Variants in EPHA6 observed in about 807,000 individuals in gnomAD.
EPHA6 encodes EPH receptor A6, also known as ephrin type-A receptor 6.
In EPHA6, 50 loss-of-function variants were observed where a neutral mutation model predicts 112.0. The ratio of observed to expected loss-of-function variants is 0.45; its 90% confidence interval spans 0.36 to 0.56. The LOEUF (loss-of-function observed/expected upper bound fraction) is 0.56, where lower values mean the gene tolerates loss of function less well. Among genes scored for constraint, EPHA6 ranks in the 20% least tolerant of loss-of-function variants. The pLI is 0.00. For synonymous variants in EPHA6, 529 were observed against 490.7 expected (o/e 1.08, Z -1.03); for missense variants, 1,280 against 1,417.4 (o/e 0.90, Z 1.56).
intron 14 of EPHA6, among the ~76,000 whole-genome samples, chr3:97,671,200 A>C (rs113610679): frequency 3.9e-5 from 6 of 152,344 alleles, no homozygotes; most frequent in South Asian, 2.1e-4. Context: ...CCCTGTGAGC[A>C]TAAATAACAT....
chr3:96,980,745 C>G (rs565643310), intron 2 of EPHA6, among the ~76,000 whole-genome samples: 7 of 152,188 alleles, frequency 4.6e-5, no homozygotes, highest in African/African-American at 1.7e-4. Flanking sequence ...GTTTGTATTT[C>G]TTTTTGAAGA....
intron 3 of EPHA6, among the ~76,000 whole-genome samples, chr3:97,151,216 G>GCATT (rs1315792983): frequency 1.6e-4 from 25 of 151,984 alleles, no homozygotes; most frequent in African/African-American, 6.0e-4. Context: ...ATGAGTCTAT[G>GCATT]CATTATAGCT....
At chr3:96,821,440 A>G (rs1330370414) in intron 1 of EPHA6, among the ~76,000 whole-genome samples, 1 of 151,896 alleles carries the variant, frequency 6.6e-6, no homozygotes, top group Admixed American at 6.6e-5. Context: ...TAAATAAACT[A>G]TATAACTTCT....
chr3:97,212,591 C>T (rs2077905947), intron 3 of EPHA6, among the ~76,000 whole-genome samples: 1 of 152,126 alleles, frequency 6.6e-6, no homozygotes, highest in Non-Finnish European at 1.5e-5. Context: ...TTGTCACTAC[C>T]CTCAGACTAC....
At chr3:96,933,101 G>A (rs62263693) in intron 2 of EPHA6, among the ~76,000 whole-genome samples, 4,881 of 151,918 alleles carry the variant, frequency 0.032, 111 homozygotes, top group Middle Eastern at 0.065. Context: ...CTAATTCTTC[G>A]CAACCCCCCT....
chr3:97,036,165 C>T (rs563961008), intron 3 of EPHA6, among the ~76,000 whole-genome samples: 1 of 151,920 alleles, frequency 6.6e-6, no homozygotes, highest in Non-Finnish European at 1.5e-5. Context: ...GCCACCCAGC[C>T]TATGATATTT....
intron 3 of EPHA6, among the ~76,000 whole-genome samples, chr3:97,007,670 A>T (rs528094760): frequency 5.9e-5 from 9 of 152,212 alleles, no homozygotes; most frequent in African/African-American, 2.2e-4. Flanking sequence ...TATTTTGCAT[A>T]CTAGTTGATG....
intron 13 of EPHA6, among the ~76,000 whole-genome samples, chr3:97,632,011 C>T (rs2093907426): frequency 6.6e-6 from 1 of 151,950 alleles, no homozygotes; most frequent in Admixed American, 6.6e-5. Flanking sequence ...ATTTAGTTCC[C>T]TTTTCCTCAC....
chr3:96,856,237 T>A (rs2107400463), intron 1 of EPHA6, among the ~76,000 whole-genome samples: 1 of 150,944 alleles, frequency 6.6e-6, no homozygotes, highest in African/African-American at 2.5e-5. Flanking sequence ...AGACCCTGTC[T>A]CATAAATTAA....
chr3:97,737,287 G>A (rs2035302067), intron 16 of EPHA6, among the ~76,000 whole-genome samples: 1 of 151,934 alleles, frequency 6.6e-6, no homozygotes, highest in African/African-American at 2.4e-5. Context: ...ATCACTCTAG[G>A]GATGATTTAC....
intron 2 of EPHA6, among the ~76,000 whole-genome samples, chr3:96,932,762 C>A (rs553684643): frequency 6.6e-6 from 1 of 151,908 alleles, no homozygotes; most frequent in Non-Finnish European, 1.5e-5. Context: ...CTCTAAAATG[C>A]GTAATTGTAA....
chr3:97,191,727 T>C (rs1162335838), intron 3 of EPHA6, among the ~76,000 whole-genome samples: 3 of 152,148 alleles, frequency 2.0e-5, no homozygotes, highest in East Asian at 1.9e-4. Context: ...TCTGTTACCA[T>C]TAACAGATGA....
chr3:97,067,828 A>G (rs906879642), intron 3 of EPHA6, among the ~76,000 whole-genome samples: 12 of 151,950 alleles, frequency 7.9e-5, no homozygotes, highest in African/African-American at 2.9e-4. Flanking sequence ...AGAGAGAGGT[A>G]AGTAGCACTA....
chr3:96,958,382 A>G (rs894740341), intron 2 of EPHA6, among the ~76,000 whole-genome samples: 1 of 152,090 alleles, frequency 6.6e-6, no homozygotes, highest in African/African-American at 2.4e-5. Context: ...CGTAAAACTC[A>G]GTCTCCTTAT....
At chr3:96,856,872 A>G (rs1359056059) in intron 1 of EPHA6, among the ~76,000 whole-genome samples, 3 of 152,278 alleles carry the variant, frequency 2.0e-5, no homozygotes, top group East Asian at 1.9e-4. Context: ...GAATAAGTCA[A>G]TCTCATTTAT....
chr3:97,425,423 G>A (rs937476820), intron 6 of EPHA6, among the ~76,000 whole-genome samples: 4 of 152,238 alleles, frequency 2.6e-5, no homozygotes, highest in Non-Finnish European at 5.9e-5. Flanking sequence ...TCTAAAGTTT[G>A]GGGCTTGCAC....
intron 6 of EPHA6, among the ~76,000 whole-genome samples, chr3:97,418,142 T>C (rs1027784406): frequency 6.6e-6 from 1 of 151,348 alleles, no homozygotes; most frequent in African/African-American, 2.4e-5. Flanking sequence ...TAAAATTAAA[T>C]ATATAATTAT....
At chr3:97,655,597 T>C (rs2094133363) in intron 14 of EPHA6, among the ~76,000 whole-genome samples, 1 of 151,948 alleles carries the variant, frequency 6.6e-6, no homozygotes, top group Admixed American at 6.6e-5. Context: ...TACGTGTGCA[T>C]GTGTCTTTGT....
At chr3:97,639,701 G>A (rs541025995) in intron 14 of EPHA6, among the ~76,000 whole-genome samples, 2 of 152,084 alleles carry the variant, frequency 1.3e-5, no homozygotes, top group African/African-American at 2.4e-5. Flanking sequence ...TTATGCATAC[G>A]TAAGTTTTGT....
Sources: allele counts gnomAD v4.1 joint callset (sites outside exome capture counted in the v4.1 genomes callset), GRCh38; gene constraint gnomAD v4.1.1; transcripts MANE v1.5; gene names NCBI Gene and HGNC (gene_info 2026-07-23, HGNC 2026-07-21).